Variants in KCND2 observed in about 807,000 individuals in gnomAD.
KCND2 encodes A-type voltage-gated potassium channel KCND2.
A neutral mutation model predicts 54.4 loss-of-function variants in KCND2; 16 were observed. The ratio of observed to expected loss-of-function variants is 0.29; its 90% CI spans 0.20 to 0.45. KCND2 has a LOEUF of 0.45. KCND2 is among the 20% of genes least tolerant of loss of function. The pLI is 1.00. For missense variants in KCND2, 486 were observed against 824.2 expected, an observed-to-expected ratio of 0.59 and a Z score of 5.02; for synonymous variants, 317 against 310.7, an observed-to-expected ratio of 1.02 and a Z score of -0.21.
At chr7:120,344,266 T>C (rs1238351851) in intron 1 of KCND2, among the ~76,000 whole-genome samples, 1 of 152,114 alleles carries the variant, frequency 6.6e-6, no homozygotes, top group Non-Finnish European at 1.5e-5. Context: ...TTGTGGGGAA[T>C]AGACTGTACC....
intron 1 of KCND2, among the ~76,000 whole-genome samples, chr7:120,678,084 A>G (rs1256931013): frequency 6.6e-6 from 1 of 151,896 alleles, no homozygotes; most frequent in Non-Finnish European, 1.5e-5. Flanking sequence ...CCTTCAAGCC[A>G]TTTACTGCAA....
At chr7:120,741,109 T>A (rs886601542) in intron 2 of KCND2, among the ~76,000 whole-genome samples, 4 of 151,930 alleles carry the variant, frequency 2.6e-5, no homozygotes, top group African/African-American at 9.7e-5. Flanking sequence ...TAGTTACTAA[T>A]TTTTTTAAGG....
At chr7:120,430,043 A>G (rs1801767579) in intron 1 of KCND2, among the ~76,000 whole-genome samples, 1 of 152,184 alleles carries the variant, frequency 6.6e-6, no homozygotes, top group South Asian at 2.1e-4. Context: ...TGTGTTACTG[A>G]CTTAAGAGTT....
intron 1 of KCND2, among the ~76,000 whole-genome samples, chr7:120,690,887 A>G (rs1792260169): frequency 1.3e-5 from 2 of 152,198 alleles, no homozygotes; most frequent in Admixed American, 6.5e-5. Flanking sequence ...AGGGTAATGC[A>G]TGCTATAAAG....
chr7:120,657,919 A>G (rs1363090375), intron 1 of KCND2, among the ~76,000 whole-genome samples: 1 of 152,154 alleles, frequency 6.6e-6, no homozygotes, highest in African/African-American at 2.4e-5. Context: ...CCTTGTGGCT[A>G]GTTTCAATAG....
intron 1 of KCND2, among the ~76,000 whole-genome samples, chr7:120,472,016 C>T (rs1288230762): frequency 1.3e-5 from 2 of 151,560 alleles, no homozygotes; most frequent in East Asian, 2.0e-4. Context: ...GTTATTATCT[C>T]CATTTTAGAA....
chr7:120,284,429 G>C (rs956331639), intron 1 of KCND2, among the ~76,000 whole-genome samples: 27 of 152,102 alleles, frequency 1.8e-4, no homozygotes, highest in African/African-American at 6.5e-4. Context: ...TATTGTTTTA[G>C]ATAGCACATT....
At chr7:120,591,572 A>G (rs1279646555) in intron 1 of KCND2, among the ~76,000 whole-genome samples, 4 of 152,212 alleles carry the variant, frequency 2.6e-5, no homozygotes. Context: ...AATTTGAAGT[A>G]CATGTACTCA....
At chr7:120,487,912 G>A (rs1247774595) in intron 1 of KCND2, among the ~76,000 whole-genome samples, 2 of 152,242 alleles carry the variant, frequency 1.3e-5, no homozygotes, top group African/African-American at 2.4e-5. Context: ...CAGGTGTGGT[G>A]ACTCATGCCT....
In KCND2 at chr7:120,727,837, G is replaced by C. The variant is rs567665815; in HGVS notation, c.1116-5066G>C. On this transcript the variant is annotated intron_variant, in intron 1 of 5. Coordinates refer to ENST00000331113, the MANE Select transcript of KCND2 (RefSeq NM_012281.3). ...AAGGAAAACTTAGAAGCAGGGGAGA[G>C]TAGAAAGAGTATGGGGGGCCGGGCA... Among the ~76,000 whole-genome samples the C allele has an allele frequency of 1.3e-3, 200 of 152,026 alleles. 2 individuals are homozygous for C. Among genetic ancestry groups the C allele is most frequent in the Middle Eastern group, 6.8e-3 (2 of 294 alleles).
At chr7:120,431,569 C>G (rs1801788703) in intron 1 of KCND2, among the ~76,000 whole-genome samples, 1 of 152,162 alleles carries the variant, frequency 6.6e-6, no homozygotes, top group Non-Finnish European at 1.5e-5. Context: ...AATGGATCAT[C>G]TCGCAATTCT....
chr7:120,331,520 A>C (rs1800069184), intron 1 of KCND2, among the ~76,000 whole-genome samples: 1 of 152,000 alleles, frequency 6.6e-6, no homozygotes, highest in African/African-American at 2.4e-5. Context: ...TGAGAGAGAG[A>C]GAAAAGAACT....
chr7:120,401,203 C>G (rs11765472), intron 1 of KCND2, among the ~76,000 whole-genome samples: 49,034 of 151,980 alleles, frequency 0.32, 10,939 homozygotes, highest in African/African-American at 0.62. Context: ...ACAGATAGCA[C>G]GGTAGCATCT....
chr7:120,326,219 T>C (rs1799973003), intron 1 of KCND2, among the ~76,000 whole-genome samples: 1 of 152,108 alleles, frequency 6.6e-6, no homozygotes, highest in Non-Finnish European at 1.5e-5. Flanking sequence ...AGATGTTGCC[T>C]ACTCTTCCTT....
intron 1 of KCND2, among the ~76,000 whole-genome samples, chr7:120,567,199 T>C (rs1309056634): frequency 6.6e-6 from 1 of 152,188 alleles, no homozygotes; most frequent in Non-Finnish European, 1.5e-5. Context: ...ATTGCTGTGT[T>C]TTTGCATGGG....
intron 1 of KCND2, among the ~76,000 whole-genome samples, chr7:120,636,893 C>T (rs939081523): frequency 1.3e-5 from 2 of 152,206 alleles, no homozygotes; most frequent in East Asian, 1.9e-4. Flanking sequence ...TACCCTCTGA[C>T]AAATGGACAG....
At chr7:120,334,887 C>T (rs1389494648) in intron 1 of KCND2, among the ~76,000 whole-genome samples, 1 of 152,072 alleles carries the variant, frequency 6.6e-6, no homozygotes, top group East Asian at 1.9e-4. Context: ...TTTCCTTTTG[C>T]CAGTTCCTTC....
intron 1 of KCND2, among the ~76,000 whole-genome samples, chr7:120,621,655 TA>T (rs934939542): frequency 6.6e-6 from 1 of 152,154 alleles, no homozygotes; most frequent in African/African-American, 2.4e-5. Flanking sequence ...ATTTTTTAAA[TA>T]AAAAATGAAG....
chr7:120,476,687 C>T (rs1802538339), intron 1 of KCND2, among the ~76,000 whole-genome samples: 1 of 152,048 alleles, frequency 6.6e-6, no homozygotes, highest in Non-Finnish European at 1.5e-5. Flanking sequence ...TTATCCATAA[C>T]CTCACGAATT....
Sources: allele counts gnomAD v4.1 joint callset (sites outside exome capture counted in the v4.1 genomes callset), GRCh38; gene constraint gnomAD v4.1.1; transcripts MANE v1.5; gene names NCBI Gene and HGNC (gene_info 2026-07-23, HGNC 2026-07-21).